Variants in ARHGAP5 observed in about 807,000 individuals in gnomAD.
ARHGAP5 encodes Rho GTPase activating protein 5.
ARHGAP5 carries 23 observed loss-of-function variants against 116.6 expected under a neutral mutation model. The ratio of observed to expected loss-of-function variants is 0.20; its 90% CI spans 0.14 to 0.28. The LOEUF is 0.28. ARHGAP5 is among the 10% of genes least tolerant of loss of function. ARHGAP5 has a pLI of 1.00. For synonymous variants in ARHGAP5, 574 were observed against 602.0 expected, an observed-to-expected ratio of 0.95 and a Z score of 0.68; for missense variants, 1,405 against 1,774.8, an observed-to-expected ratio of 0.79 and a Z score of 3.74.
Position 32,077,362 on chromosome 14 carries a change from A to G in ARHGAP5, c.-242A>G, listed in dbSNP as rs1012272296. The G allele has an allele frequency of 7.8e-6, 5 of 639,730 alleles. No individual in the cohort carries two copies. Among genetic ancestry groups the G allele is most frequent in the East Asian group, 6.3e-5 (2 of 31,946 alleles). 39.6% of individuals were successfully genotyped at this position (639,730 alleles called of 1,614,324 possible). A position where few individuals can be genotyped will look rare whatever the true frequency, so the allele number is the denominator to read the frequency against. On this transcript the variant is annotated 5_prime_UTR_variant, in exon 1 of 7. Transcript: ENST00000345122. The stretch of plus-strand genomic sequence containing the variant: ...GGCGGCGGCGGCGGGAGCGGTCCCC[A>G]GGAATGTCGCTGCCGCCGCCACCGC...
chr14:32,117,898 GA>G (rs1879683760), intron 3 of ARHGAP5, among the ~76,000 whole-genome samples: 1 of 152,120 alleles, frequency 6.6e-6, no homozygotes, highest in Non-Finnish European at 1.5e-5. Flanking sequence ...GTTAAAGGTG[GA>G]AAATAGGGAC....
intron 2 of ARHGAP5, among the ~76,000 whole-genome samples, chr14:32,115,199 T>G (rs1197457981): frequency 6.6e-6 from 1 of 152,206 alleles, no homozygotes; most frequent in Admixed American, 6.5e-5. Context: ...CTCAGTAGTT[T>G]GATTCCCAAA....
intron 2 of ARHGAP5, among the ~76,000 whole-genome samples, chr14:32,095,412 T>TTG (rs1555355872): frequency 1.3e-5 from 2 of 150,328 alleles, no homozygotes; most frequent in African/African-American, 5.0e-5. Flanking sequence ...TTTTTTTTTT[T>TTG]TTTGTTTTTT....
intron 1 of ARHGAP5, among the ~76,000 whole-genome samples, chr14:32,078,549 G>T (rs984363709): frequency 2.0e-5 from 3 of 152,016 alleles, no homozygotes; most frequent in East Asian, 1.9e-4. Flanking sequence ...AAATGTTCAG[G>T]TGTAAAACAG....
chr14:32,082,158 A>G lies in ARHGAP5; in HGVS notation c.-169+4723A>G, dbSNP rs201184997. On this transcript the variant is annotated intron_variant, in intron 1 of 6. Coordinates refer to ENST00000345122, the MANE Select transcript of ARHGAP5 (RefSeq NM_001030055.2). ...TGTGCAGCCCAGTTCCTAATAAGCC[A>G]CAGATGGTTACCAGACCGGGGTTGG... Among the ~76,000 whole-genome samples the G allele has an allele frequency of 2.0e-5, 3 of 152,186 alleles. No individual in the cohort carries two copies. In the East Asian group the frequency reaches 5.8e-4, roughly 29 times the overall value.
At chr14:32,138,687 A>G (rs1399671705) in intron 3 of ARHGAP5, among the ~76,000 whole-genome samples, 2 of 152,108 alleles carry the variant, frequency 1.3e-5, no homozygotes, top group African/African-American at 2.4e-5. Context: ...CATCTTGGAT[A>G]TTATTTATTT....
intron 2 of ARHGAP5, among the ~76,000 whole-genome samples, chr14:32,094,707 T>C (rs1878437059): frequency 6.6e-6 from 1 of 152,200 alleles, no homozygotes; most frequent in Non-Finnish European, 1.5e-5. Flanking sequence ...TTTTCCCTTC[T>C]GCCCTACCAG....
intron 2 of ARHGAP5, among the ~76,000 whole-genome samples, chr14:32,112,055 G>A (rs1305910157): frequency 3.9e-5 from 6 of 151,914 alleles, no homozygotes; most frequent in South Asian, 2.1e-4. Flanking sequence ...CTGACATTGC[G>A]ATCCGCCCGT....
intron 1 of ARHGAP5, among the ~76,000 whole-genome samples, chr14:32,082,073 G>C (rs1594336960): frequency 6.6e-6 from 1 of 152,128 alleles, no homozygotes; most frequent in South Asian, 2.1e-4. Context: ...ATCTATCGCT[G>C]CTGTGGAGGC....
At chr14:32,141,210 T>TG (rs1232192597) in intron 3 of ARHGAP5, among the ~76,000 whole-genome samples, 18 of 152,200 alleles carry the variant, frequency 1.2e-4, no homozygotes, top group African/African-American at 4.1e-4. Flanking sequence ...GGTACTGTAG[T>TG]GATTGTCTTA....
chr14:32,117,073 A>T, intron 2 of ARHGAP5, 67 bp from the exon 3 acceptor site: 1 of 1,292,570 alleles, frequency 7.7e-7, no homozygotes, highest in Non-Finnish European at 1.1e-6. Context: ...CCGTGTATTT[A>T]CATTGCTCAT....
rs774976766 is a variant in ARHGAP5, at chr14:32,091,809, G to A, written c.1140G>A (p.Val380=). 6.2e-7 allele frequency: 1 copy of A among 1,613,474 alleles called. No individual in the cohort carries two copies. Among genetic ancestry groups the A allele is most frequent in the Non-Finnish European group, 8.5e-7 (1 of 1,179,570 alleles). ...CAGATTTCCAGTTATGTTTTGTGGT[G>A]CTAGAAAAAACTCCTTGGGATGAAA... ...KRADFQLCFV[V]LEKTPWDETD... The change falls in exon 2 of 7, where the codon GTG becomes GTA. Residue 380 remains valine (V), a synonymous_variant. Coordinates refer to ENST00000345122, the MANE Select transcript of ARHGAP5 (RefSeq NM_001030055.2).
At chr14:32,115,034 A>T (rs535458257) in intron 2 of ARHGAP5, among the ~76,000 whole-genome samples, 9 of 152,224 alleles carry the variant, frequency 5.9e-5, no homozygotes, top group Non-Finnish European at 1.2e-4. Context: ...TGAAAAACCA[A>T]CAAGGGCTGT....
At position 32,077,356 on chromosome 14, in the gene ARHGAP5, G is replaced by A. The variant is rs2041714391; in HGVS notation, c.-248G>A. ...GGAGGAGGCGGCGGCGGCGGGAGCG[G>A]TCCCCAGGAATGTCGCTGCCGCCGC... On this transcript the variant is annotated 5_prime_UTR_variant, in exon 1 of 7. Coordinates refer to ENST00000345122, the MANE Select transcript of ARHGAP5 (RefSeq NM_001030055.2). 2.9e-6 allele frequency: 2 copies of A among 696,198 alleles called. No individual in the cohort carries two copies. The highest frequency in any genetic ancestry group is 1.8e-5 in the African/African-American group (1 of 56,770). The allele number at this position is 696,198 out of a possible 1,614,324, so 43.1% of individuals were successfully genotyped here.
chr14:32,117,294 T>A lies in ARHGAP5; in HGVS notation c.3865+7T>A. On this transcript the variant is annotated splice_region_variant and intron_variant, in intron 3 of 6. Coordinates refer to ENST00000345122, the MANE Select transcript of ARHGAP5 (RefSeq NM_001030055.2). ...GAATTTATTGAAGATACAGGTAGGATAGAAGAATCATTGCAAGAGATTTGA... is the reference window on the plus strand; with the variant it reads ...GAATTTATTGAAGATACAGGTAGGAAAGAAGAATCATTGCAAGAGATTTGA... 1 of 1,569,394 alleles carries A rather than the reference T, an allele frequency of 6.4e-7. No individual in the cohort carries two copies. The highest frequency in any genetic ancestry group is 2.3e-5 in the East Asian group (1 of 44,254).
intron 4 of ARHGAP5, among the ~76,000 whole-genome samples, chr14:32,146,945 G>A (rs776729179): frequency 5.3e-5 from 8 of 152,118 alleles, no homozygotes; most frequent in Non-Finnish European, 7.4e-5. Context: ...CATATACTCC[G>A]AGTTTCTTCC....
chr14:32,096,472 T>C (rs560889110), intron 2 of ARHGAP5, among the ~76,000 whole-genome samples: 2 of 152,150 alleles, frequency 1.3e-5, no homozygotes, highest in East Asian at 3.9e-4. Context: ...AAAAAAGGCA[T>C]AAATAAGCAC....
At chr14:32,149,308 A>G (rs1376799548) in intron 4 of ARHGAP5, among the ~76,000 whole-genome samples, 1 of 150,784 alleles carries the variant, frequency 6.6e-6, no homozygotes, top group African/African-American at 2.4e-5. Context: ...GCACCACCTC[A>G]CCTGCCTCTT....
chr14:32,155,355 GTGC>G lies in ARHGAP5; in HGVS notation c.*409_*411del, dbSNP rs1303918211. 6.4e-6 allele frequency: 1 copy of G among 156,106 alleles called. No homozygotes were observed. The highest frequency in any genetic ancestry group is 2.4e-5 in the African/African-American group (1 of 41,484). The allele number at this position is 156,106 out of a possible 1,614,324, so 9.7% of individuals were successfully genotyped here. A position where few individuals can be genotyped will look rare whatever the true frequency, so the allele number is the denominator to read the frequency against. ...TTTCTGGCTGATTTTGTTATTTGATGTGCTAATTTGGGCAACTTAATTTACATT... is the reference window on the plus strand; with the variant it reads ...TTTCTGGCTGATTTTGTTATTTGATGTAATTTGGGCAACTTAATTTACATT... On this transcript the variant is annotated 3_prime_UTR_variant, in exon 7 of 7. Coordinates refer to ENST00000345122, the MANE Select transcript of ARHGAP5 (RefSeq NM_001030055.2).
Sources: allele counts gnomAD v4.1 joint callset (sites outside exome capture counted in the v4.1 genomes callset), GRCh38; gene constraint gnomAD v4.1.1; transcripts MANE v1.5; gene names NCBI Gene and HGNC (gene_info 2026-07-23, HGNC 2026-07-21).